CSMD1: variants seen among roughly 807,000 people sequenced by gnomAD.
CSMD1 encodes the protein CUB and sushi domain-containing protein 1.
Under a neutral mutation model 417.5 loss-of-function variants are expected in CSMD1, and 213 were observed. The observed-to-expected ratio is 0.51, with a 90% CI of 0.46 to 0.57. The LOEUF (loss-of-function observed/expected upper bound fraction) is 0.57. CSMD1 is among the 20% of genes least tolerant of loss of function. CSMD1 has a pLI of 0.00. For synonymous variants in CSMD1, 2,862 were observed against 1,736.8 expected, an observed-to-expected ratio of 1.65 and a Z score of -16.11; for missense variants, 6,923 against 4,529.7, an observed-to-expected ratio of 1.53 and a Z score of -15.17.
chr8:4,982,479 G>A (rs2924720), intron 1 of CSMD1, among the ~76,000 whole-genome samples: 104,717 of 152,024 alleles, frequency 0.69, 37,031 homozygotes, highest in Middle Eastern at 0.82. Flanking sequence ...ACAAAGAACG[G>A]GTATTGTCAT....
rs537951247 is a variant in CSMD1 at position 3,115,011 on chromosome 8, T to C, written c.6430+3388A>G. On this transcript the variant is annotated intron_variant, in intron 42 of 69. Transcript: ENST00000635120. ...GTTTATTATGATAGTGTTTAAGATT[T>C]ATTTAATGCCTAAAATTATATTTTT... Among the ~76,000 whole-genome samples, 67 of 152,342 alleles carry C rather than the reference T, an allele frequency of 4.4e-4. 1 individual carries two copies. The highest frequency in any genetic ancestry group is 1.6e-3 in the African/African-American group (66 of 41,592).
At chr8:3,623,516 A>G (rs1447859102) in intron 7 of CSMD1, among the ~76,000 whole-genome samples, 1 of 152,214 alleles carries the variant, frequency 6.6e-6, no homozygotes, top group Non-Finnish European at 1.5e-5. Flanking sequence ...TTACAAATGA[A>G]GCGCTAAAAA....
At chr8:3,589,235 G>T (rs1800736579) in intron 8 of CSMD1, among the ~76,000 whole-genome samples, 1 of 152,084 alleles carries the variant, frequency 6.6e-6, no homozygotes, top group African/African-American at 2.4e-5. Context: ...TTTCACTTCT[G>T]ATCCTATATC....
At chr8:4,853,816 C>A (rs966759695) in intron 1 of CSMD1, among the ~76,000 whole-genome samples, 2 of 152,146 alleles carry the variant, frequency 1.3e-5, no homozygotes, top group African/African-American at 4.8e-5. Flanking sequence ...TGGACCTGAC[C>A]AAAGCCTTGG....
intron 30 of CSMD1, among the ~76,000 whole-genome samples, chr8:3,211,070 G>A (rs868119474): frequency 5.3e-5 from 8 of 152,066 alleles, no homozygotes; most frequent in Non-Finnish European, 1.2e-4. Flanking sequence ...CTTGAGATAA[G>A]GTATTGCCCT....
chr8:2,966,885 C>G, intron 57 of CSMD1, 139 bp from the exon 58 acceptor site: 1 of 698,592 alleles, frequency 1.4e-6, no homozygotes, highest in Non-Finnish European at 2.4e-6. Context: ...ATGGAAGTTC[C>G]TTAACATATG....
chr8:3,984,249 A>T (rs1369518923), intron 5 of CSMD1, among the ~76,000 whole-genome samples: 1 of 146,100 alleles, frequency 6.8e-6, no homozygotes, highest in East Asian at 2.1e-4. Flanking sequence ...GCGAGTGGCA[A>T]GCTTAACTTC....
chr8:3,689,571 C>A (rs1202383725), intron 7 of CSMD1, among the ~76,000 whole-genome samples: 1 of 152,104 alleles, frequency 6.6e-6, no homozygotes, highest in Admixed American at 6.6e-5. Flanking sequence ...TCAACATTCA[C>A]CTAAGGACAG....
chr8:3,722,912 A>G (rs1261220229), intron 6 of CSMD1, among the ~76,000 whole-genome samples: 2 of 70,046 alleles, frequency 2.9e-5, no homozygotes, highest in Non-Finnish European at 7.8e-5. Flanking sequence ...CTAGCAAACT[A>G]TTGTGTGTGT....
chr8:3,095,034 G>A (rs1230244993), intron 47 of CSMD1, among the ~76,000 whole-genome samples: 1 of 152,092 alleles, frequency 6.6e-6, no homozygotes, highest in South Asian at 2.1e-4. Context: ...TAATGGCTAT[G>A]ATCTGTCCAA....
Position 3,188,943 on chromosome 8 carries a change from C to T in CSMD1, c.5467G>A (p.Gly1823Arg), listed in dbSNP as rs751051632. The change falls in exon 35 of 70, where the codon GGA becomes AGA. Residue 1823 changes from glycine to arginine, a missense_variant. Gly to Arg is a moderately radical substitution (Grantham distance 125). Transcript: ENST00000635120. ...TTCCATATACAGTTCAAGTTGTTTC[C>T]GTATGGCTCAGGGTAGCCGGGGGAC... ...ILSPGYPEPYGNNLNCIWKII... is the reference protein window; with the variant it reads ...ILSPGYPEPYRNNLNCIWKII... 5.6e-6 allele frequency: 9 copies of T among 1,611,834 alleles called. No homozygotes were observed. The highest frequency in any genetic ancestry group is 1.6e-4 in the Middle Eastern group (1 of 6,082).
intron 5 of CSMD1, among the ~76,000 whole-genome samples, chr8:3,831,320 C>T (rs1000973319): frequency 2.6e-5 from 4 of 152,260 alleles, no homozygotes; most frequent in Admixed American, 6.5e-5. Context: ...GCATTTCGGA[C>T]AGCTCCATCT....
At chr8:3,558,531 ACGATGAACGGTGTCT>A in intron 10 of CSMD1, among the ~76,000 whole-genome samples, 2 of 148,960 alleles carry the variant, frequency 1.3e-5, no homozygotes, top group African/African-American at 5.0e-5. Context: ...GACTCCTCCA[ACGATGAACGGTGTCT>A]CAATGGTACC....
chr8:3,484,614 C>G (rs1191939097), intron 11 of CSMD1, among the ~76,000 whole-genome samples: 1 of 152,134 alleles, frequency 6.6e-6, no homozygotes, highest in African/African-American at 2.4e-5. Context: ...AAAGCTTTTG[C>G]CATGTGTTGA....
chr8:4,509,562 C>G (rs1282752761), intron 2 of CSMD1, among the ~76,000 whole-genome samples: 2 of 152,162 alleles, frequency 1.3e-5, no homozygotes, highest in Non-Finnish European at 2.9e-5. Flanking sequence ...GGATGCTGGT[C>G]AGGAAAGCCA....
At chr8:3,194,077 T>G (rs1287168215) in intron 33 of CSMD1, among the ~76,000 whole-genome samples, 1 of 152,210 alleles carries the variant, frequency 6.6e-6, no homozygotes, top group East Asian at 1.9e-4. Context: ...AAAATCAGGT[T>G]GGACAAGCCA....
chr8:3,334,646 C>A (rs561978035), intron 23 of CSMD1, among the ~76,000 whole-genome samples: 65 of 152,218 alleles, frequency 4.3e-4, no homozygotes, highest in Non-Finnish European at 1.6e-4. Context: ...GATCACCCAC[C>A]TTCACCTTTT....
intron 7 of CSMD1, among the ~76,000 whole-genome samples, chr8:3,689,049 C>T (rs189059163): frequency 6.6e-6 from 1 of 152,256 alleles, no homozygotes; most frequent in Non-Finnish European, 1.5e-5. Context: ...TAAGGGTCAT[C>T]TAAGTAAACA....
At chr8:3,237,823 C>A (rs184656971) in intron 26 of CSMD1, among the ~76,000 whole-genome samples, 1 of 23,724 alleles carries the variant, frequency 4.2e-5, no homozygotes, top group East Asian at 1.0e-3. Flanking sequence ...ACTTATACTA[C>A]AAGTATAATT....
Sources: allele counts gnomAD v4.1 joint callset (sites outside exome capture counted in the v4.1 genomes callset), GRCh38; gene constraint gnomAD v4.1.1; transcripts MANE v1.5; gene names NCBI Gene and HGNC (gene_info 2026-07-23, HGNC 2026-07-21).